Variants in CDH12 observed in about 807,000 individuals in gnomAD.
The protein encoded by CDH12 is cadherin 12.
Under a neutral mutation model 74.1 loss-of-function variants are expected in CDH12, and 41 were observed. The ratio of observed to expected loss-of-function variants is 0.55; its 90% CI spans 0.43 to 0.72. The LOEUF (loss-of-function observed/expected upper bound fraction) is 0.72. CDH12 is among the 30% of genes least tolerant of loss of function. The pLI is 0.00. For missense variants in CDH12, 945 were observed against 977.2 expected, an observed-to-expected ratio of 0.97 and a Z score of 0.44; for synonymous variants, 399 against 355.0, an observed-to-expected ratio of 1.12 and a Z score of -1.39.
chr5:22,716,764 C>T (rs1304029923), intron 1 of CDH12, among the ~76,000 whole-genome samples: 1 of 151,920 alleles, frequency 6.6e-6, no homozygotes. Flanking sequence ...TATTGATGAT[C>T]CTGACCCTGT....
intron 2 of CDH12, among the ~76,000 whole-genome samples, chr5:22,471,982 C>T (rs1047922540): frequency 5.9e-5 from 9 of 152,098 alleles, no homozygotes; most frequent in African/African-American, 1.9e-4. Context: ...TCAAGGAGAA[C>T]AGTAAGAAGG....
intron 4 of CDH12, among the ~76,000 whole-genome samples, chr5:22,180,539 G>A (rs1749583952): frequency 6.6e-6 from 1 of 151,250 alleles, no homozygotes; most frequent in Non-Finnish European, 1.5e-5. Context: ...TTGAGACGGA[G>A]TTTCACTTTG....
At chr5:22,273,823 T>G (rs1736508962) in intron 3 of CDH12, among the ~76,000 whole-genome samples, 4 of 152,170 alleles carry the variant, frequency 2.6e-5, no homozygotes, top group Admixed American at 2.6e-4. Flanking sequence ...CATGCATCTT[T>G]CTTCCACTCA....
chr5:22,652,015 A>C (rs1193906580), intron 1 of CDH12, among the ~76,000 whole-genome samples: 5 of 152,150 alleles, frequency 3.3e-5, no homozygotes, highest in Non-Finnish European at 7.4e-5. Context: ...CAAATGTGAT[A>C]GATGGTTAAA....
At chr5:22,578,363 AT>A (rs1484431464) in intron 1 of CDH12, among the ~76,000 whole-genome samples, 2 of 133,384 alleles carry the variant, frequency 1.5e-5, no homozygotes, top group African/African-American at 2.9e-5. Flanking sequence ...AACTATTAAT[AT>A]TTTAAACCAA....
At chr5:22,838,714 T>TCA (rs1736950554) in intron 1 of CDH12, among the ~76,000 whole-genome samples, 1 of 150,580 alleles carries the variant, frequency 6.6e-6, no homozygotes, top group African/African-American at 2.4e-5. Flanking sequence ...CTCACTCTGT[T>TCA]GTCAGGTTGG....
chr5:22,097,277 A>T (rs1743840522), intron 4 of CDH12, among the ~76,000 whole-genome samples: 1 of 152,146 alleles, frequency 6.6e-6, no homozygotes, highest in East Asian at 1.9e-4. Context: ...AGGCTCTCTG[A>T]CTGACTCCTT....
chr5:21,980,171 T>C (rs1757248228), intron 5 of CDH12, among the ~76,000 whole-genome samples: 1 of 150,598 alleles, frequency 6.6e-6, no homozygotes, highest in African/African-American at 2.5e-5. Context: ...CATACATACA[T>C]ATATGTATGG....
rs1396611865 is a variant in CDH12 at position 21,975,100 on chromosome 5, A to C, written c.517T>G (p.Ser173Ala). The part of the protein sequence containing the change: ...GPYVATVPEM[S>A]PVGAYVLQVK... The stretch of plus-strand genomic sequence containing the variant: ...TGATTTGCCTACTCACCCACAGGAG[A>C]CATTTCTGGAACAGTAGCAACATAA... Residue 173 changes from serine to alanine, a missense_variant, in exon 6 of 15, where the codon TCT (serine) becomes GCT (alanine). Ser to Ala is a moderately conservative substitution (Grantham distance 99). Around this residue, in one of 3 missense-constraint regions of CDH12, gnomAD observed 791 missense variants for 792.8 expected, o/e 1.00. Coordinates refer to ENST00000382254, the MANE Select transcript of CDH12 (RefSeq NM_004061.5). 5.0e-6 allele frequency: 8 copies of C among 1,593,774 alleles called. No homozygotes were observed. Among genetic ancestry groups the C allele is most frequent in the Non-Finnish European group, 6.8e-6 (8 of 1,177,734 alleles).
intron 3 of CDH12, among the ~76,000 whole-genome samples, chr5:22,258,944 T>C (rs937088380): frequency 1.3e-5 from 2 of 152,182 alleles, no homozygotes; most frequent in African/African-American, 4.8e-5. Context: ...TTCATGATTG[T>C]ATTGTAACAT....
intron 11 of CDH12, among the ~76,000 whole-genome samples, chr5:21,770,754 T>G (rs115583440): frequency 7.9e-5 from 12 of 152,128 alleles, no homozygotes; most frequent in African/African-American, 2.4e-4. Flanking sequence ...TAAGGACACA[T>G]GCACATGTAT....
intron 1 of CDH12, among the ~76,000 whole-genome samples, chr5:22,675,899 A>G (rs1457444350): frequency 1.4e-5 from 2 of 147,552 alleles, no homozygotes; most frequent in Non-Finnish European, 3.0e-5. Context: ...TTTTGTTTAT[A>G]TGCTTTGGGG....
chr5:21,808,369 G>A (rs972902348), intron 9 of CDH12, among the ~76,000 whole-genome samples: 2 of 151,696 alleles, frequency 1.3e-5, no homozygotes, highest in Non-Finnish European at 2.9e-5. Flanking sequence ...TTTATAGTAA[G>A]CCTATATTAT....
At chr5:21,926,976 C>G (rs371093792) in intron 6 of CDH12, among the ~76,000 whole-genome samples, 1 of 152,118 alleles carries the variant, frequency 6.6e-6, no homozygotes, top group South Asian at 2.1e-4. Flanking sequence ...ATTTTCTAGG[C>G]CAGCAGTTGA....
At chr5:22,637,525 A>G (rs1478945182) in intron 1 of CDH12, among the ~76,000 whole-genome samples, 1 of 152,254 alleles carries the variant, frequency 6.6e-6, no homozygotes. Flanking sequence ...ACAGGACAAA[A>G]GTACTCCTTT....
chr5:21,964,199 C>A (rs187163630), intron 6 of CDH12, among the ~76,000 whole-genome samples: 1 of 152,138 alleles, frequency 6.6e-6, no homozygotes, highest in African/African-American at 2.4e-5. Context: ...ATACCCACTT[C>A]AACTCTAAAT....
At chr5:22,421,563 AT>A (rs1349552511) in intron 2 of CDH12, among the ~76,000 whole-genome samples, 1 of 152,066 alleles carries the variant, frequency 6.6e-6, no homozygotes, top group Non-Finnish European at 1.5e-5. Context: ...TATATGTGCC[AT>A]CTTTTATTTA....
chr5:21,934,880 T>A (rs755845239), intron 6 of CDH12, among the ~76,000 whole-genome samples: 1 of 152,104 alleles, frequency 6.6e-6, no homozygotes, highest in Admixed American at 6.6e-5. Flanking sequence ...TCCGCCTCCC[T>A]AGTTCATGCC....
chr5:22,339,541 G>A (rs1739752216), intron 3 of CDH12, among the ~76,000 whole-genome samples: 1 of 152,172 alleles, frequency 6.6e-6, no homozygotes, highest in African/African-American at 2.4e-5. Flanking sequence ...AATAAATGAA[G>A]CTAATGATTC....
Sources: gnomAD v4.1 joint callset for allele counts (sites outside exome capture counted in the v4.1 genomes callset) on GRCh38, gnomAD v4.1.1 for gene constraint, gnomAD v4.1.1 regional missense constraint, MANE v1.5 for transcripts, NCBI Gene and HGNC (gene_info 2026-07-23, HGNC 2026-07-21) for gene names.